SPATA21: variants seen among roughly 807,000 people sequenced by gnomAD.
SPATA21 encodes the protein spermatogenesis associated 21.
Under a neutral mutation model 54.8 loss-of-function variants are expected in SPATA21, and 47 were observed. That is an observed-to-expected ratio of 0.86 (90% CI 0.68 to 1.09). SPATA21 has a LOEUF of 1.09. Among genes scored for constraint, SPATA21 ranks in the 50% least tolerant of loss-of-function variants. The pLI is 0.00. For synonymous variants in SPATA21, 245 were observed against 235.3 expected, an observed-to-expected ratio of 1.04 and a Z score of -0.38; for missense variants, 599 against 596.4, an observed-to-expected ratio of 1.00 and a Z score of -0.05.
chr1:16,401,835 C>T (rs926832492), intron 10 of SPATA21, among the ~76,000 whole-genome samples: 3 of 152,178 alleles, frequency 2.0e-5, no homozygotes, highest in Non-Finnish European at 4.4e-5. Context: ...CACTGCTTGC[C>T]TTTTCCCCCG....
Position 16,428,936 on chromosome 1 carries a change from C to T in SPATA21, c.34+2402G>A, listed in dbSNP as rs2086387492. 6.6e-6 allele frequency among the ~76,000 whole-genome samples: 1 copy of T among 152,160 alleles called. No individual in the cohort carries two copies. Among genetic ancestry groups the T allele is most frequent in the South Asian group, 2.1e-4 (1 of 4,826 alleles). On this transcript the variant is annotated intron_variant, in intron 3 of 12. Transcript: ENST00000335496. The surrounding 1 kb of genome is among the most constrained non-coding windows in gnomAD (Gnocchi z 4.3). ...AGGCTGCAAGGGGTGCAGTGACAGG[C>T]CCAACATCACACAGCTGGGTAAGTG...
At chr1:16,425,863 C>G in intron 3 of SPATA21, 1 of 726,668 alleles carries the variant, frequency 1.4e-6, no homozygotes. Context: ...CACAGGAATT[C>G]CCCAAATCAT....
At chr1:16,407,986 T>G (rs745659420) in intron 7 of SPATA21, among the ~76,000 whole-genome samples, 1 of 151,942 alleles carries the variant, frequency 6.6e-6, no homozygotes, top group Non-Finnish European at 1.5e-5. Context: ...AGGCTAGTCT[T>G]GAACTCCTGG....
chr1:16,431,271 A>C lies in SPATA21; in HGVS notation c.34+67T>G, dbSNP rs200223303. On this transcript the variant is annotated intron_variant, in intron 3 of 12. Transcript: ENST00000335496. The stretch of plus-strand genomic sequence containing the variant: ...GCTGACTCCTGGTATGATGGGCTCA[A>C]CACCAGCCCTCTTTATGGTGATCCT... 1.0e-4 allele frequency: 162 copies of C among 1,613,832 alleles called. No individual in the cohort carries two copies. The Middle Eastern group carries it at 4.4e-3, about 44-fold the overall frequency.
chr1:16,432,116 T>TCTTCTTCTTCTTCTTCTTCTTCTTCTTC (rs201347435), intron 2 of SPATA21, among the ~76,000 whole-genome samples: 1 of 64,890 alleles, frequency 1.5e-5, no homozygotes, highest in African/African-American at 5.0e-5. Context: ...TTCTTCTTCT[T>TCTTCTTCTTCTTCTTCTTCTTCTTCTTC]TTTTTTTTTT....
At chr1:16,437,604 T>C (rs535130756), upstream of SPATA21, among the ~76,000 whole-genome samples, 2 of 152,322 alleles carry the variant, frequency 1.3e-5, no homozygotes, top group South Asian at 4.1e-4. Flanking sequence ...TTCATTCTGC[T>C]TTGCCAATGA....
chr1:16,436,153 G>A (rs746547709), intron 1 of SPATA21, among the ~76,000 whole-genome samples: 75 of 152,114 alleles, frequency 4.9e-4, no homozygotes, highest in Middle Eastern at 6.8e-3. Context: ...TTGGGAGGCC[G>A]AGGCGGGCAG....
At chr1:16,398,135 T>A, downstream of SPATA21, 1 of 468,244 alleles carries the variant, frequency 2.1e-6, no homozygotes, top group Non-Finnish European at 2.8e-6. Context: ...ATACATGTTT[T>A]AAACTTGTCA....
At chr1:16,433,364 A>C (rs1478253391) in intron 1 of SPATA21, among the ~76,000 whole-genome samples, 1 of 152,228 alleles carries the variant, frequency 6.6e-6, no homozygotes. Flanking sequence ...CTCACGAAGG[A>C]CCAGGCTGTC....
In SPATA21 at chr1:16,431,950, A is replaced by G. The variant is rs185514940; in HGVS notation, c.-51-528T>C. On this transcript the variant is annotated intron_variant, in intron 2 of 12. Transcript: ENST00000335496. The stretch of plus-strand genomic sequence containing the variant: ...ACAGCTGCTCCTGCTATAGATGAAA[A>G]CTCCATGTTCTTAGATGGGGCTAAG... Among the ~76,000 whole-genome samples the G allele has an allele frequency of 1.6e-3, 245 of 151,224 alleles. 1 individual carries two copies. The highest frequency in any genetic ancestry group is 0.013 in the South Asian group (64 of 4,790).
At chr1:16,416,303 G>A (rs1190502874) in intron 5 of SPATA21, among the ~76,000 whole-genome samples, 1 of 152,172 alleles carries the variant, frequency 6.6e-6, no homozygotes, top group Non-Finnish European at 1.5e-5. Context: ...GTGCAGGATG[G>A]GTCTCTGGTG....
chr1:16,418,765 C>A (rs150048731), intron 5 of SPATA21, among the ~76,000 whole-genome samples: 1 of 152,194 alleles, frequency 6.6e-6, no homozygotes, highest in East Asian at 1.9e-4. Flanking sequence ...TGGTCTTGAA[C>A]CCCTGACCTC....
intron 3 of SPATA21, among the ~76,000 whole-genome samples, chr1:16,430,483 G>T (rs1276882867): frequency 2.0e-5 from 3 of 152,164 alleles, no homozygotes; most frequent in East Asian, 3.8e-4. Context: ...GAAAGAGGCT[G>T]AGAGGTGTGA....
intron 8 of SPATA21, 137 bp from the exon 9 acceptor site, chr1:16,404,176 C>CA (rs2085554175): frequency 1.4e-6 from 1 of 732,772 alleles, no homozygotes. Flanking sequence ...AAACATGGGG[C>CA]ACACAGGAAA....
In SPATA21 at chr1:16,432,838, G is replaced by T. The variant is rs1399408208; in HGVS notation, c.-100C>A. On this transcript the variant is annotated 5_prime_UTR_variant, in exon 2 of 13. Transcript: ENST00000335496. Reference sequence around the variant, plus strand: ...TTCCACTTTAAATCATGGCAGGCCCGCCAGCATCCACGGAGGAACCTTCCA... The same window carrying T: ...TTCCACTTTAAATCATGGCAGGCCCTCCAGCATCCACGGAGGAACCTTCCA... The T allele has an allele frequency of 4.6e-5, 7 of 152,202 alleles. No homozygotes were observed. Among genetic ancestry groups the T allele is most frequent in the African/African-American group, 1.7e-4 (7 of 41,420 alleles). The allele number at this position is 152,202 out of a possible 1,614,324, so 9.4% of individuals were successfully genotyped here.
chr1:16,414,359 G>A (rs759510653), intron 5 of SPATA21, among the ~76,000 whole-genome samples: 1 of 151,722 alleles, frequency 6.6e-6, no homozygotes, highest in African/African-American at 2.4e-5. Flanking sequence ...GTGAGCCACC[G>A]CACCCAGCCT....
At chr1:16,434,678 C>T (rs1305255033) in intron 1 of SPATA21, among the ~76,000 whole-genome samples, 1 of 152,080 alleles carries the variant, frequency 6.6e-6, no homozygotes, top group East Asian at 1.9e-4. Context: ...ATTTGCATTT[C>T]TCTTGGTTAT....
At chr1:16,407,754 G>T (rs535415258) in intron 7 of SPATA21, among the ~76,000 whole-genome samples, 1 of 149,656 alleles carries the variant, frequency 6.7e-6, no homozygotes, top group Non-Finnish European at 1.5e-5. Flanking sequence ...CACTGCTCCC[G>T]GTTGGAGTTG....
chr1:16,399,218 T>A, intron 12 of SPATA21, 126 bp downstream of exon 12: 1 of 1,127,222 alleles, frequency 8.9e-7, no homozygotes, highest in Admixed American at 2.9e-5. Context: ...CCCTTTCTCC[T>A]CCCTGGAGCA....
Sources: gnomAD v4.1 joint callset for allele counts (sites outside exome capture counted in the v4.1 genomes callset) on GRCh38, gnomAD v4.1.1 for gene constraint, Gnocchi (gnomAD v3.1) non-coding constraint, MANE v1.5 for transcripts, NCBI Gene and HGNC (gene_info 2026-07-23, HGNC 2026-07-21) for gene names.